Variants in CROCC2 observed in about 807,000 individuals in gnomAD.
CROCC2 encodes the protein ciliary rootlet coiled-coil, rootletin family member 2, also known as ciliary rootlet coiled-coil protein 2.
Under a neutral mutation model 177.6 loss-of-function variants are expected in CROCC2, and 163 were observed. The observed-to-expected ratio is 0.92, with a 90% confidence interval of 0.81 to 1.05. CROCC2 has a LOEUF of 1.05. Among genes scored for constraint, CROCC2 ranks in the 50% least tolerant of loss-of-function variants. CROCC2 has a pLI of 0.00. For synonymous variants in CROCC2, 904 were observed against 787.3 expected (o/e 1.15, Z -2.48); for missense variants, 1,929 against 1,797.8 (o/e 1.07, Z -1.32).
intron 1 of CROCC2, among the ~76,000 whole-genome samples, chr2:240,912,496 G>T (rs1332476392): frequency 1.3e-5 from 2 of 152,188 alleles, no homozygotes; most frequent in Non-Finnish European, 2.9e-5. Context: ...TTATTATAAA[G>T]GACACAACTC....
rs1418844542 is a variant in CROCC2 at position 240,949,666 on chromosome 2, C to T, written c.2616C>T (p.Ala872=). The part of the protein sequence containing the change: ...AQRALESQAL[A]HREALAQLQR... ...GGGCCCTGGAGAGCCAGGCGTTGGC[C>T]CACCGAGAGGCCCTGGCACAGCTCC... The change falls in exon 17 of 32, where the codon GCC becomes GCT. Residue 872 remains alanine (A), a synonymous_variant. Transcript: ENST00000690015. This position sits in a 1 kb window ranked among gnomAD's most constrained non-coding sequence, Gnocchi z 4.5. The T allele has an allele frequency of 6.5e-7, 1 of 1,548,638 alleles. No individual in the cohort carries two copies. Among genetic ancestry groups the T allele is most frequent in the Admixed American group, 2.0e-5 (1 of 50,908 alleles).
At chr2:240,983,667 C>G (rs2059817645) in intron 28 of CROCC2, 1 of 1,256,330 alleles carries the variant, frequency 8.0e-7, no homozygotes, top group Non-Finnish European at 1.0e-6. Context: ...CTGGCCCACG[C>G]ATGCTTCTGT....
chr2:240,972,318 G>C lies in CROCC2; in HGVS notation c.4401+4056G>C, dbSNP rs2059726560. On this transcript the variant is annotated intron_variant, in intron 27 of 31. Coordinates refer to ENST00000690015, the MANE Select transcript of CROCC2 (RefSeq NM_001351305.2). This position sits in a 1 kb window ranked among gnomAD's most constrained non-coding sequence, Gnocchi z 7.1. ...TATGGGGAGCCAGCAGTGGAGTTCT[G>C]GCCCTCCCGGAGCTGTTCTGTTCCT... Among the ~76,000 whole-genome samples the C allele has an allele frequency of 6.6e-6, 1 of 152,130 alleles. No individual in the cohort carries two copies. Among genetic ancestry groups the C allele is most frequent in the African/African-American group, 2.4e-5 (1 of 41,432 alleles).
intron 1 of CROCC2, among the ~76,000 whole-genome samples, chr2:240,913,439 A>G (rs1365193379): frequency 2.0e-5 from 3 of 152,172 alleles, no homozygotes; most frequent in Non-Finnish European, 4.4e-5. Context: ...TCATTTTGCC[A>G]TTGGTGATTC....
chr2:240,993,199 C>A lies in CROCC2; in HGVS notation c.*118C>A. The stretch of plus-strand genomic sequence containing the variant: ...GTGAAAGGCACCCGTGATGAGACAG[C>A]TCGCTCTCGGCAGTTTCAGGACCCT... On this transcript the variant is annotated 3_prime_UTR_variant, in exon 32 of 32. Coordinates refer to ENST00000690015, the MANE Select transcript of CROCC2 (RefSeq NM_001351305.2). The A allele has an allele frequency of 1.5e-6, 1 of 658,356 alleles. No individual in the cohort carries two copies. 40.8% of individuals were successfully genotyped at this position (658,356 alleles called of 1,614,324 possible).
At chr2:240,927,772 T>G (rs2106458433) in intron 5 of CROCC2, among the ~76,000 whole-genome samples, 1 of 152,330 alleles carries the variant, frequency 6.6e-6, no homozygotes, top group Admixed American at 6.5e-5. Context: ...CGCCTCAACC[T>G]CCTGAGTAGT....
intron 2 of CROCC2, among the ~76,000 whole-genome samples, chr2:240,919,575 C>T (rs2059344651): frequency 2.0e-5 from 3 of 152,158 alleles, no homozygotes; most frequent in African/African-American, 7.2e-5. Flanking sequence ...GCCCGGGGAA[C>T]TGGCTGTGTG....
At chr2:240,928,750 C>T (rs757849314) in intron 5 of CROCC2, among the ~76,000 whole-genome samples, 8 of 137,758 alleles carry the variant, frequency 5.8e-5, no homozygotes, top group Non-Finnish European at 1.2e-4. Context: ...ACAGGTGTAA[C>T]GGGCTCAGAG....
At chr2:240,934,599 T>C in intron 12 of CROCC2, 124 bp downstream of exon 12, 2 of 1,053,996 alleles carry the variant, frequency 1.9e-6, no homozygotes, top group Non-Finnish European at 2.7e-6. Context: ...TCACCAGAGA[T>C]CCCAAAGTCA....
chr2:240,922,330 G>A (rs548464284), intron 3 of CROCC2, among the ~76,000 whole-genome samples: 8 of 152,358 alleles, frequency 5.3e-5, no homozygotes, highest in South Asian at 2.1e-4. Context: ...TCTGCCAGCC[G>A]TGGGCACTTG....
intron 5 of CROCC2, 26 bp from the exon 6 acceptor site, chr2:240,930,140 G>C (rs916788867): frequency 1.9e-6 from 1 of 540,364 alleles, no homozygotes; most frequent in Non-Finnish European, 3.4e-6. Context: ...CCAGCCTGAA[G>C]TAGACAGGAG....
At position 240,965,480 on chromosome 2, in the gene CROCC2, G is replaced by T. The variant is rs1483449816; in HGVS notation, c.3565G>T (p.Ala1189Ser). 6.5e-7 allele frequency: 1 copy of T among 1,550,008 alleles called. No individual in the cohort carries two copies. The highest frequency in any genetic ancestry group is 1.4e-5 in the African/African-American group (1 of 73,046). The change falls in exon 23 of 32, where the codon GCC becomes TCC. Residue 1189 changes from alanine to serine, a missense_variant. Around this residue, in one of 3 missense-constraint regions of CROCC2, gnomAD observed 144 missense variants for 205.2 expected, o/e 0.70. Transcript: ENST00000690015. ...QEVLELRRQAAKAEAKHEGAR... is the reference protein window; with the variant it reads ...QEVLELRRQASKAEAKHEGAR... ...GGTGCTGGAGCTGCGGAGGCAGGCAGCCAAGGCAGAGGCCAAGCACGAGGG... is the reference window on the plus strand; with the variant it reads ...GGTGCTGGAGCTGCGGAGGCAGGCATCCAAGGCAGAGGCCAAGCACGAGGG...
chr2:240,912,587 C>A (rs1350522344), intron 1 of CROCC2, among the ~76,000 whole-genome samples: 1 of 152,240 alleles, frequency 6.6e-6, no homozygotes, highest in Non-Finnish European at 1.5e-5. Context: ...GCACACCAAC[C>A]ACCCACAGCA....
chr2:240,989,088 T>C (rs1459959661), intron 29 of CROCC2, among the ~76,000 whole-genome samples: 2 of 152,060 alleles, frequency 1.3e-5, no homozygotes, highest in Non-Finnish European at 2.9e-5. Flanking sequence ...CTCCTGCCCT[T>C]CTTGAGACAT....
chr2:240,933,938 G>C (rs574318111), intron 11 of CROCC2, 86 bp downstream of exon 11: 37 of 1,404,850 alleles, frequency 2.6e-5, no homozygotes, highest in East Asian at 1.3e-4. Context: ...CTTGGGCCAC[G>C]GGTCTGCTTT....
intron 23 of CROCC2, 53 bp downstream of exon 23, chr2:240,965,571 A>G (rs1226694219): frequency 9.0e-6 from 14 of 1,549,462 alleles, no homozygotes; most frequent in Non-Finnish European, 9.6e-6. Context: ...CGGGGAGCAG[A>G]GGGAGGAGGC....
intron 28 of CROCC2, among the ~76,000 whole-genome samples, chr2:240,986,547 C>T (rs1401850668): frequency 1.3e-5 from 2 of 152,222 alleles, no homozygotes; most frequent in Non-Finnish European, 2.9e-5. Flanking sequence ...CTCCACGACC[C>T]ATCCACAAGC....
chr2:240,984,097 A>ACCCAGTCCTGTCATCC (rs746729079), intron 28 of CROCC2, among the ~76,000 whole-genome samples: 5 of 152,102 alleles, frequency 3.3e-5, no homozygotes, highest in Admixed American at 6.5e-5. Flanking sequence ...GACGGTCATC[A>ACCCAGTCCTGTCATCC]CCCAGTCCTG....
At chr2:240,940,152 A>T (rs1216823549) in intron 14 of CROCC2, among the ~76,000 whole-genome samples, 3 of 152,152 alleles carry the variant, frequency 2.0e-5, no homozygotes, top group African/African-American at 7.2e-5. Flanking sequence ...ACAGAAGGGC[A>T]TTACAATCTC....
Sources: allele counts gnomAD v4.1 joint callset (sites outside exome capture counted in the v4.1 genomes callset), GRCh38; gene constraint gnomAD v4.1.1; regional missense constraint gnomAD v4.1.1; non-coding constraint Gnocchi (gnomAD v3.1); transcripts MANE v1.5; gene names NCBI Gene and HGNC (gene_info 2026-07-23, HGNC 2026-07-21).